Variants in EYS observed in about 807,000 individuals in gnomAD.
The protein encoded by EYS is EGF-like photoreceptor maintenance factor.
In EYS, 250 loss-of-function variants were observed where a neutral mutation model predicts 282.1. The ratio of observed to expected loss-of-function variants is 0.89; its 90% CI spans 0.80 to 0.98. The LOEUF is 0.98. EYS is among the 50% of genes least tolerant of loss of function. The pLI is 0.00. For synonymous variants in EYS, 1,355 were observed against 1,282.9 expected (o/e 1.06, Z -1.20); for missense variants, 4,016 against 3,709.0 (o/e 1.08, Z -2.15).
intron 2 of EYS, among the ~76,000 whole-genome samples, chr6:65,604,650 G>T (rs555726889): frequency 2.6e-5 from 4 of 151,820 alleles, no homozygotes; most frequent in Non-Finnish European, 4.4e-5. Flanking sequence ...TAATAATAAG[G>T]TATTTAAGCG....
rs141366957 is a variant in EYS, at chr6:65,633,968, AT to A, written c.-333+5809del. The stretch of plus-strand genomic sequence containing the variant: ...TGTGTGCTGACCCCTGCTAGAGAAT[AT>A]GAAAAGCTAAAGTATACTTCCAGAC... On this transcript the variant is annotated intron_variant, in intron 2 of 42. Coordinates refer to ENST00000503581, the MANE Select transcript of EYS (RefSeq NM_001142800.2). 7.1e-3 allele frequency among the ~76,000 whole-genome samples: 1,083 copies of A among 152,380 alleles called. 10 individuals are homozygous for A. Among genetic ancestry groups the A allele is most frequent in the African/African-American group, 0.023 (957 of 41,592 alleles).
chr6:64,978,794 G>A (rs1343325614), intron 14 of EYS, among the ~76,000 whole-genome samples: 1 of 151,916 alleles, frequency 6.6e-6, no homozygotes, highest in Non-Finnish European at 1.5e-5. Flanking sequence ...CAATACTTCA[G>A]TGGAGGATGG....
At chr6:65,095,830 T>C (rs573769616) in intron 12 of EYS, among the ~76,000 whole-genome samples, 1 of 150,694 alleles carries the variant, frequency 6.6e-6, no homozygotes, top group East Asian at 1.9e-4. Context: ...GAAAAGCTCA[T>C]GGCTAACATA....
intron 33 of EYS, among the ~76,000 whole-genome samples, chr6:64,052,412 A>T (rs1204848235): frequency 6.6e-6 from 1 of 152,186 alleles, no homozygotes; most frequent in Admixed American, 6.6e-5. Context: ...TCTTTTAATT[A>T]GAAATAAATA....
At chr6:65,443,532 T>C (rs1434462942) in intron 5 of EYS, among the ~76,000 whole-genome samples, 2 of 151,830 alleles carry the variant, frequency 1.3e-5, no homozygotes, top group African/African-American at 2.4e-5. Flanking sequence ...TATATACATA[T>C]ACTTATGGAC....
intron 31 of EYS, among the ~76,000 whole-genome samples, chr6:64,145,593 C>G (rs1404835832): frequency 2.0e-5 from 3 of 152,166 alleles, no homozygotes; most frequent in African/African-American, 7.2e-5. Context: ...TGTTGCATTT[C>G]CAATTCACTC....
chr6:63,727,159 T>G lies in EYS; in HGVS notation c.8072-479A>C, dbSNP rs114622540. Among the ~76,000 whole-genome samples the G allele has an allele frequency of 5.3e-3, 803 of 152,222 alleles. 9 individuals are homozygous for G. The highest frequency in any genetic ancestry group is 0.026 in the South Asian group (125 of 4,820). ...TTATAAGGCATAATATATTGATTTT[T>G]TTTTTTGCTTCTGTGTATAACTGAC... On this transcript the variant is annotated intron_variant, in intron 41 of 42. Coordinates refer to ENST00000503581, the MANE Select transcript of EYS (RefSeq NM_001142800.2).
At chr6:63,969,673 A>G (rs1371234582) in intron 35 of EYS, among the ~76,000 whole-genome samples, 3 of 152,208 alleles carry the variant, frequency 2.0e-5, no homozygotes, top group African/African-American at 7.2e-5. Context: ...TGCAGTGGCC[A>G]ATCCATGTCT....
intron 5 of EYS, among the ~76,000 whole-genome samples, chr6:65,459,968 TTATATATATATA>T (rs34762215): frequency 0.046 from 3,677 of 80,666 alleles, 215 homozygotes; most frequent in African/African-American, 0.13. Context: ...TTTGTGTATT[TTATATATATATA>T]TATATATATA....
chr6:64,613,984 C>T (rs1767188440), intron 24 of EYS, among the ~76,000 whole-genome samples: 1 of 152,052 alleles, frequency 6.6e-6, no homozygotes, highest in Non-Finnish European at 1.5e-5. Context: ...TTTTCTGTCT[C>T]ACCTAAGGGA....
chr6:63,725,159 CATCA>C (rs1768563540), intron 42 of EYS, among the ~76,000 whole-genome samples: 2 of 152,168 alleles, frequency 1.3e-5, no homozygotes, highest in South Asian at 4.1e-4. Context: ...TCAAATGCAG[CATCA>C]ATCGTGTGAA....
At chr6:64,704,771 AAACCTGGGCAGGTCTTAC>A (rs1770941835) in intron 22 of EYS, among the ~76,000 whole-genome samples, 1 of 152,022 alleles carries the variant, frequency 6.6e-6, no homozygotes, top group African/African-American at 2.4e-5. Context: ...GCTGTTCCAC[AAACCTGGGCAGGTCTTAC>A]GACCATCAAA....
intron 5 of EYS, among the ~76,000 whole-genome samples, chr6:65,474,183 G>T (rs1765317344): frequency 6.6e-6 from 1 of 152,050 alleles, no homozygotes; most frequent in African/African-American, 2.4e-5. Context: ...AGAAGAAGCA[G>T]ATTTTGAATA....
At chr6:64,695,818 C>T (rs1770559112) in intron 22 of EYS, among the ~76,000 whole-genome samples, 1 of 151,980 alleles carries the variant, frequency 6.6e-6, no homozygotes, top group Non-Finnish European at 1.5e-5. Context: ...CTCCTGACCT[C>T]ATACTTAATA....
intron 12 of EYS, among the ~76,000 whole-genome samples, chr6:65,263,590 A>G (rs1394046290): frequency 6.6e-6 from 1 of 152,112 alleles, no homozygotes; most frequent in Non-Finnish European, 1.5e-5. Flanking sequence ...AAAGTAATTT[A>G]TTATTTTCAT....
chr6:64,793,436 A>G (rs988558240), intron 22 of EYS, among the ~76,000 whole-genome samples: 1 of 152,138 alleles, frequency 6.6e-6, no homozygotes, highest in African/African-American at 2.4e-5. Flanking sequence ...ATCTTAAGTA[A>G]TAGTAGGGAA....
chr6:64,539,092 C>G (rs1465767488), intron 26 of EYS, among the ~76,000 whole-genome samples: 1 of 152,060 alleles, frequency 6.6e-6, no homozygotes, highest in Non-Finnish European at 1.5e-5. Flanking sequence ...GCATAATGAC[C>G]TCAAGTTCTG....
chr6:65,659,290 T>G (rs951106156), intron 1 of EYS, among the ~76,000 whole-genome samples: 3 of 151,772 alleles, frequency 2.0e-5, no homozygotes, highest in African/African-American at 7.2e-5. Context: ...TTTCAACAAT[T>G]TTTATGGTGC....
intron 26 of EYS, among the ~76,000 whole-genome samples, chr6:64,569,519 G>C (rs1347736362): frequency 6.6e-6 from 1 of 151,814 alleles, no homozygotes; most frequent in Non-Finnish European, 1.5e-5. Context: ...AGGTGGGGGG[G>C]TCACGAGGTC....
Sources: allele counts gnomAD v4.1 joint callset (sites outside exome capture counted in the v4.1 genomes callset), GRCh38; gene constraint gnomAD v4.1.1; transcripts MANE v1.5; gene names NCBI Gene and HGNC (gene_info 2026-07-23, HGNC 2026-07-21).